Variants in C17orf78 observed in about 807,000 individuals in gnomAD.
C17orf78 encodes the protein uncharacterized protein C17orf78.
C17orf78 carries 27 observed loss-of-function variants against 31.8 expected under a neutral mutation model. The ratio of observed to expected loss-of-function variants is 0.85; its 90% CI spans 0.63 to 1.17. The LOEUF (loss-of-function observed/expected upper bound fraction) is 1.17. Among genes scored for constraint, C17orf78 ranks in the 50% most tolerant of loss-of-function variants. C17orf78 has a pLI of 0.00. For missense variants in C17orf78, 258 were observed against 315.2 expected (o/e 0.82, Z 1.37); for synonymous variants, 106 against 115.1 (o/e 0.92, Z 0.51).
intron 3 of C17orf78, among the ~76,000 whole-genome samples, chr17:37,381,829 G>T (rs11651475): frequency 9.3e-5 from 14 of 150,828 alleles, no homozygotes; most frequent in Non-Finnish European, 1.5e-4. Context: ...GGGTTTCACC[G>T]TGTTGGCCAG....
In C17orf78 at chr17:37,389,238, C is replaced by G; in HGVS notation, c.634-8C>G. On this transcript the variant is annotated splice_region_variant and splice_polypyrimidine_tract_variant and intron_variant, in intron 5 of 6. Transcript: ENST00000615133. ...TTCATATTAATACCAGTCATTTTCT[C>G]CCTTCAGTATCAATGCCTAGGAGCC... is the stretch of plus-strand genomic sequence containing the variant. 6.4e-7 allele frequency: 1 copy of G among 1,572,384 alleles called. No individual in the cohort carries two copies. Among genetic ancestry groups the G allele is most frequent in the South Asian group, 1.2e-5 (1 of 85,230 alleles).
chr17:37,390,330 A>C (rs12951343), intron 6 of C17orf78, among the ~76,000 whole-genome samples: 3,138 of 40,518 alleles, frequency 0.077, 411 homozygotes, highest in African/African-American at 0.18. Context: ...ATATATATAT[A>C]TATAAAAGGC....
intron 3 of C17orf78, among the ~76,000 whole-genome samples, chr17:37,381,975 GTTTCCAA>G (rs1342263870): frequency 2.0e-5 from 3 of 152,004 alleles, no homozygotes; most frequent in African/African-American, 7.2e-5. Flanking sequence ...TATTTTGGTC[GTTTCCAA>G]TCTTTTGCAA....
intron 2 of C17orf78, 125 bp from the exon 3 acceptor site, chr17:37,379,012 G>C: frequency 1.7e-6 from 2 of 1,179,808 alleles, no homozygotes; most frequent in Non-Finnish European, 2.3e-6. Flanking sequence ...TTTGAGGCTG[G>C]AGTGAGCCAT....
intron 3 of C17orf78, among the ~76,000 whole-genome samples, chr17:37,384,240 G>T (rs546207244): frequency 1.3e-5 from 2 of 152,364 alleles, no homozygotes; most frequent in Admixed American, 1.3e-4. Context: ...AACTGTAAGG[G>T]TGAGAATGTT....
At chr17:37,387,998 A>G (rs1045142566) in intron 4 of C17orf78, 11 of 152,146 alleles carry the variant, frequency 7.2e-5, no homozygotes, top group African/African-American at 2.7e-4. Context: ...CTCTGTCTGT[A>G]TAAAAAAATT....
chr17:37,389,175 C>G (rs1314298501), intron 5 of C17orf78, 71 bp from the exon 6 acceptor site: 2 of 1,513,244 alleles, frequency 1.3e-6, no homozygotes, highest in East Asian at 4.9e-5. Flanking sequence ...AGTTGCCCAA[C>G]AAGAGGTTTG....
chr17:37,378,056 A>G lies in C17orf78; in HGVS notation c.145+91A>G. On this transcript the variant is annotated intron_variant, in intron 2 of 6. Transcript: ENST00000615133. ...ATCTCATCTTCCCACTTCCTAGCCC[A>G]TATCTCAAATATCCTATTTTAAGGA... is the stretch of plus-strand genomic sequence containing the variant. The G allele has an allele frequency of 2.7e-5, 31 of 1,143,742 alleles. No homozygotes were observed. In the South Asian group the frequency reaches 4.1e-4, roughly 15 times the overall value. The allele number at this position is 1,143,742 out of a possible 1,614,324, so 70.8% of individuals were successfully genotyped here.
chr17:37,376,733 T>C (rs1249642885), intron 1 of C17orf78, among the ~76,000 whole-genome samples: 1 of 152,196 alleles, frequency 6.6e-6, no homozygotes, highest in South Asian at 2.1e-4. Context: ...GATTGGTGGA[T>C]CACCTGAGGT....
chr17:37,391,952 C>G lies in C17orf78; in HGVS notation c.*228C>G, dbSNP rs1401892767. 1 of 544,450 alleles carries G rather than the reference C, an allele frequency of 1.8e-6. No homozygotes were observed. The highest frequency in any genetic ancestry group is 3.1e-5 in the Admixed American group (1 of 32,402). The allele number at this position is 544,450 out of a possible 1,614,324, so 33.7% of individuals were successfully genotyped here. A position where few individuals can be genotyped will look rare whatever the true frequency, so the allele number is the denominator to read the frequency against. The stretch of plus-strand genomic sequence containing the variant: ...CTTCATACATCCATCTAAATGGATA[C>G]CTTTCCATCCCCTCAAACGAGAACA... On this transcript the variant is annotated 3_prime_UTR_variant, in exon 7 of 7. Coordinates refer to ENST00000615133, the MANE Select transcript of C17orf78 (RefSeq NM_173625.5).
chr17:37,390,393 C>T (rs1342802567), intron 6 of C17orf78, among the ~76,000 whole-genome samples: 1 of 127,232 alleles, frequency 7.9e-6, no homozygotes, highest in East Asian at 2.4e-4. Context: ...CGTTGGGAGG[C>T]CAAGGCAGGT....
intron 2 of C17orf78, 31 bp from the exon 3 acceptor site, chr17:37,379,106 C>G: frequency 6.3e-7 from 1 of 1,591,622 alleles, no homozygotes; most frequent in Admixed American, 1.8e-5. Flanking sequence ...AAAACCAGCT[C>G]CATTTTTCTA....
chr17:37,388,296 T>C (rs2050638032), intron 4 of C17orf78, among the ~76,000 whole-genome samples: 1 of 152,168 alleles, frequency 6.6e-6, no homozygotes, highest in African/African-American at 2.4e-5. Flanking sequence ...CCATAAAATG[T>C]GTCAGAGCAA....
Position 37,375,990 on chromosome 17 carries a change from T to G in C17orf78, c.-103T>G. ...GAATCAGAGTCTCTCAGGGTCAAAC[T>G]TGGTTCCAGCTGCGTGTGGTGAAAG... On this transcript the variant is annotated 5_prime_UTR_variant, in exon 1 of 7. Coordinates refer to ENST00000615133, the MANE Select transcript of C17orf78 (RefSeq NM_173625.5). The G allele has an allele frequency of 1.1e-6, 1 of 925,622 alleles. No individual in the cohort carries two copies. Among genetic ancestry groups the G allele is most frequent in the Admixed American group, 1.9e-5 (1 of 51,796 alleles). 57.3% of individuals were successfully genotyped at this position (925,622 alleles called of 1,614,324 possible).
intron 2 of C17orf78, 147 bp downstream of exon 2, chr17:37,378,112 C>A (rs1324356314): frequency 2.5e-5 from 17 of 682,724 alleles, no homozygotes; most frequent in African/African-American, 3.7e-5. Context: ...TTTCTGGAAA[C>A]CAATCTTTAA....
chr17:37,390,334 A>ATATATATATATATATCTAT (rs2050822111), intron 6 of C17orf78, among the ~76,000 whole-genome samples: 2 of 93,414 alleles, frequency 2.1e-5, no homozygotes, highest in African/African-American at 9.0e-5. Context: ...ATATATATAT[A>ATATATATATATATATCTAT]AAAGGCCAGC....
intron 1 of C17orf78, 28 bp from the exon 2 acceptor site, chr17:37,377,851 C>A: frequency 3.4e-6 from 5 of 1,479,428 alleles, no homozygotes; most frequent in South Asian, 1.2e-5. Flanking sequence ...TTCCCCGGTT[C>A]CCCTCCTCCC....
intron 3 of C17orf78, among the ~76,000 whole-genome samples, chr17:37,380,513 T>A (rs949896782): frequency 2.6e-5 from 4 of 152,142 alleles, no homozygotes; most frequent in African/African-American, 7.2e-5. Context: ...ATCTCTAAGA[T>A]CCCTTCTAGC....
At chr17:37,390,316 A>C (rs1417651759) in intron 6 of C17orf78, among the ~76,000 whole-genome samples, 2 of 50,654 alleles carry the variant, frequency 3.9e-5, no homozygotes, top group African/African-American at 2.3e-4. Context: ...ATATATATAT[A>C]TATATATATA....
Sources: gnomAD v4.1 joint callset for allele counts (sites outside exome capture counted in the v4.1 genomes callset) on GRCh38, gnomAD v4.1.1 for gene constraint, MANE v1.5 for transcripts, NCBI Gene and HGNC (gene_info 2026-07-23, HGNC 2026-07-21) for gene names.